Variants in RANBP2 observed in about 807,000 individuals in gnomAD.
RANBP2 encodes RAN binding protein 2, also known as E3 SUMO-protein ligase RanBP2.
Under a neutral mutation model 303.6 loss-of-function variants are expected in RANBP2, and 57 were observed. The observed-to-expected ratio is 0.19, with a 90% confidence interval of 0.15 to 0.23. RANBP2 has a LOEUF of 0.23. Among genes scored for constraint, RANBP2 ranks in the 10% least tolerant of loss-of-function variants. The pLI is 1.00. For missense variants in RANBP2, 3,138 were observed against 3,780.8 expected, an observed-to-expected ratio of 0.83 and a Z score of 4.46; for synonymous variants, 1,167 against 1,301.5, an observed-to-expected ratio of 0.90 and a Z score of 2.23.
At chr2:109,675,286 C>G in the RANBP2 span, among the ~76,000 whole-genome samples, 172 of 152,342 alleles carry the variant, frequency 1.1e-3, 1 homozygote, top group Admixed American at 2.5e-3. Context: ...GTGCAAAGTT[C>G]TCAGACCAGG....
At chr2:108,938,833 G>T in the RANBP2 span, among the ~76,000 whole-genome samples, 1 of 141,598 alleles carries the variant, frequency 7.1e-6, no homozygotes, top group Non-Finnish European at 1.5e-5. Flanking sequence ...GCCCAGGCTG[G>T]CAGTGGCATG....
chr2:108,972,034 C>G, the RANBP2 span, among the ~76,000 whole-genome samples: 1 of 152,200 alleles, frequency 6.6e-6, no homozygotes, highest in Non-Finnish European at 1.5e-5. Flanking sequence ...TGTGGGTCCT[C>G]CAGCCTGGCC....
At chr2:109,707,332 T>G in the RANBP2 span, among the ~76,000 whole-genome samples, 1 of 152,190 alleles carries the variant, frequency 6.6e-6, no homozygotes, top group Non-Finnish European at 1.5e-5. Context: ...CTATCCTCTG[T>G]GACTGGCATC....
the RANBP2 span, among the ~76,000 whole-genome samples, chr2:109,486,975 C>G: frequency 7.9e-5 from 12 of 152,246 alleles, no homozygotes; most frequent in East Asian, 2.3e-3. Flanking sequence ...GCCTGGCCAT[C>G]CAGAAGGGTC....
the RANBP2 span, among the ~76,000 whole-genome samples, chr2:109,119,077 T>C: frequency 2.0e-5 from 3 of 152,366 alleles, no homozygotes; most frequent in East Asian, 5.8e-4. Context: ...GCAATGAGGC[T>C]CTGACCTGGC....
At chr2:108,866,516 C>T in the RANBP2 span, among the ~76,000 whole-genome samples, 1 of 152,086 alleles carries the variant, frequency 6.6e-6, no homozygotes, top group African/African-American at 2.4e-5. Context: ...TAGGATATTC[C>T]ATGTACAGGT....
At chr2:109,513,196 G>A in the RANBP2 span, among the ~76,000 whole-genome samples, 2 of 152,116 alleles carry the variant, frequency 1.3e-5, no homozygotes, top group Non-Finnish European at 2.9e-5. Context: ...CACCTGCACA[G>A]TAGACCTGTC....
At chr2:109,709,740 A>G in the RANBP2 span, among the ~76,000 whole-genome samples, 2 of 152,220 alleles carry the variant, frequency 1.3e-5, no homozygotes, top group African/African-American at 4.8e-5. Flanking sequence ...TCATATTTAA[A>G]ACAAGTACTT....
the RANBP2 span, among the ~76,000 whole-genome samples, chr2:109,044,667 A>G: frequency 6.6e-6 from 1 of 152,150 alleles, no homozygotes; most frequent in East Asian, 1.9e-4. Flanking sequence ...CTAAACTAAT[A>G]GGGTTTACTG....
At chr2:109,397,322 G>A in the RANBP2 span, among the ~76,000 whole-genome samples, 13 of 152,144 alleles carry the variant, frequency 8.5e-5, no homozygotes, top group Non-Finnish European at 1.3e-4. Flanking sequence ...GAAAGGTGAG[G>A]GAGAAAGAGT....
the RANBP2 span, among the ~76,000 whole-genome samples, chr2:109,300,582 G>C: frequency 6.6e-6 from 1 of 152,158 alleles, no homozygotes; most frequent in Non-Finnish European, 1.5e-5. Context: ...ATGGTTAGGG[G>C]TATGATTGGC....
chr2:109,071,133 C>A, the RANBP2 span, among the ~76,000 whole-genome samples: 1 of 152,092 alleles, frequency 6.6e-6, no homozygotes, highest in East Asian at 1.9e-4. Flanking sequence ...CATCTTGGAC[C>A]AGGGTGGTGG....
At chr2:108,845,279 G>A in the RANBP2 span, among the ~76,000 whole-genome samples, 1 of 152,072 alleles carries the variant, frequency 6.6e-6, no homozygotes, top group South Asian at 2.1e-4. Context: ...TGCACTGCTT[G>A]TGTGTCTGAC....
At chr2:109,378,720 C>T in the RANBP2 span, among the ~76,000 whole-genome samples, 2 of 152,190 alleles carry the variant, frequency 1.3e-5, no homozygotes, top group African/African-American at 4.8e-5. Context: ...TTCTCTACTG[C>T]TGAGGCTATA....
At chr2:108,897,158 A>G in the RANBP2 span, 2 of 1,613,854 alleles carry the variant, frequency 1.2e-6, no homozygotes, top group Non-Finnish European at 1.7e-6. Context: ...GCCTTCTCAG[A>G]GTTGTACGTG....
chr2:109,257,855 G>A, the RANBP2 span, among the ~76,000 whole-genome samples: 1 of 152,128 alleles, frequency 6.6e-6, no homozygotes, highest in Non-Finnish European at 1.5e-5. Flanking sequence ...TTCCCAGTGA[G>A]TCACAGTAAA....
the RANBP2 span, chr2:109,613,664 C>A: frequency 1.8e-6 from 1 of 563,936 alleles, no homozygotes; most frequent in African/African-American, 2.0e-5. Flanking sequence ...AGCCGGGGAG[C>A]ACTGGGCGGG....
chr2:109,450,773 G>T, the RANBP2 span, among the ~76,000 whole-genome samples: 2 of 152,316 alleles, frequency 1.3e-5, no homozygotes, highest in South Asian at 4.1e-4. Context: ...GTTGGGCTGG[G>T]TGCTGGGCAA....
chr2:109,479,526 G>C, the RANBP2 span, among the ~76,000 whole-genome samples: 1 of 152,164 alleles, frequency 6.6e-6, no homozygotes, highest in East Asian at 1.9e-4. Context: ...TTCTCCCTGG[G>C]GTGTCGGGAT....
Sources: gnomAD v4.1 joint callset for allele counts (sites outside exome capture counted in the v4.1 genomes callset) on GRCh38, gnomAD v4.1.1 for gene constraint, MANE v1.5 for transcripts, NCBI Gene and HGNC (gene_info 2026-07-23, HGNC 2026-07-21) for gene names.